Variants in LTK observed in about 807,000 individuals in gnomAD.
LTK encodes the protein leukocyte receptor tyrosine kinase, also known as leukocyte tyrosine kinase receptor.
A neutral mutation model predicts 101.5 loss-of-function variants in LTK; 117 were observed. The ratio of observed to expected loss-of-function variants is 1.15; its 90% CI spans 0.99 to 1.34. The LOEUF is 1.34. LTK is among the 40% of genes most tolerant of loss of function. LTK has a pLI of 0.00. For missense variants in LTK, 1,252 were observed against 1,164.7 expected (o/e 1.07, Z -1.09); for synonymous variants, 563 against 494.2 (o/e 1.14, Z -1.85).
chr15:41,508,301 G>A (rs574638933), intron 8 of LTK, 80 bp from the exon 9 acceptor site: 4 of 1,258,154 alleles, frequency 3.2e-6, no homozygotes, highest in Non-Finnish European at 4.4e-6. Flanking sequence ...GGGTACAGTG[G>A]CACACGCCTA....
In LTK at chr15:41,511,675, C is replaced by G; in HGVS notation, c.658-97G>C. ...CCCGCCCAGGGGGCCTGGATAAGGGCAGGGGCCCCCAGCCCAGCCCAGGCC... is the reference window on the plus strand; with the variant it reads ...CCCGCCCAGGGGGCCTGGATAAGGGGAGGGGCCCCCAGCCCAGCCCAGGCC... On this transcript the variant is annotated intron_variant, in intron 5 of 19. Coordinates refer to ENST00000263800, the MANE Select transcript of LTK (RefSeq NM_002344.6). The surrounding 1 kb of genome is among the most constrained non-coding windows in gnomAD (Gnocchi z 5.9). 1 of 1,406,450 alleles carries G rather than the reference C, an allele frequency of 7.1e-7. No homozygotes were observed. The highest frequency in any genetic ancestry group is 3.7e-5 in the Admixed American group (1 of 27,172). 87.1% of individuals were successfully genotyped at this position (1,406,450 alleles called of 1,614,324 possible).
At position 41,511,717 on chromosome 15, in the gene LTK, G is replaced by A; in HGVS notation, c.657+100C>T. On this transcript the variant is annotated intron_variant, in intron 5 of 19. Transcript: ENST00000263800. This position sits in a 1 kb window ranked among gnomAD's most constrained non-coding sequence, Gnocchi z 5.9. Reference sequence around the variant, plus strand: ...GCCCAGGCCAGCCCAGCCCAGCGCAGGGATAGGGGGACCCCAAGGGACGGA... The same window carrying A: ...GCCCAGGCCAGCCCAGCCCAGCGCAAGGATAGGGGGACCCCAAGGGACGGA... The A allele has an allele frequency of 7.0e-7, 1 of 1,432,666 alleles. No homozygotes were observed. The highest frequency in any genetic ancestry group is 9.1e-7 in the Non-Finnish European group (1 of 1,102,324). 88.7% of individuals were successfully genotyped at this position (1,432,666 alleles called of 1,614,324 possible). A position where few individuals can be genotyped will look rare whatever the true frequency, so the allele number is the denominator to read the frequency against.
At chr15:41,508,816 C>CT (rs1168868850) in intron 8 of LTK, among the ~76,000 whole-genome samples, 3 of 151,946 alleles carry the variant, frequency 2.0e-5, no homozygotes, top group Non-Finnish European at 4.4e-5. Context: ...GCCCACTTTC[C>CT]TTTTTTTTAA....
chr15:41,513,811 A>G lies in LTK; in HGVS notation c.-102T>C. On this transcript the variant is annotated 5_prime_UTR_variant, in exon 1 of 20. Transcript: ENST00000263800. ...TTTTGCCACGGCAGCCCTGGCCACC[A>G]CTTACAGGGGTGTGCTGCCGCTGGC... 2 of 1,041,614 alleles carry G rather than the reference A, an allele frequency of 1.9e-6. No homozygotes were observed. The highest frequency in any genetic ancestry group is 2.5e-5 in the East Asian group (1 of 40,718). The allele number at this position is 1,041,614 out of a possible 1,614,324, so 64.5% of individuals were successfully genotyped here. A position where few individuals can be genotyped will look rare whatever the true frequency, so the allele number is the denominator to read the frequency against.
chr15:41,506,524 C>T (rs367938171), intron 11 of LTK, among the ~76,000 whole-genome samples: 1 of 151,916 alleles, frequency 6.6e-6, no homozygotes, highest in Non-Finnish European at 1.5e-5. Context: ...AGGCTGGTCT[C>T]GAACCCCTGA....
chr15:41,510,029 C>A (rs971292525), intron 7 of LTK, among the ~76,000 whole-genome samples: 7 of 151,550 alleles, frequency 4.6e-5, no homozygotes, highest in Non-Finnish European at 7.4e-5. Flanking sequence ...TTTTTTGAGA[C>A]AGAGTCTTGC....
chr15:41,507,798 C>T, intron 9 of LTK, 141 bp from the exon 10 acceptor site: 1 of 924,824 alleles, frequency 1.1e-6, no homozygotes, highest in African/African-American at 1.7e-5. Context: ...AAAGCAACCT[C>T]TCCCTCTTGA....
Position 41,513,750 on chromosome 15 carries a change from C to A in LTK, c.-41G>T. 1 of 1,574,222 alleles carries A rather than the reference C, an allele frequency of 6.4e-7. No homozygotes were observed. Among genetic ancestry groups the A allele is most frequent in the Non-Finnish European group, 8.7e-7 (1 of 1,144,234 alleles). The stretch of plus-strand genomic sequence containing the variant: ...CCGGCAACAAAAGCCCTTGCGGTCG[C>A]GGCCACACCCCTGTCAACCTAAAGT... On this transcript the variant is annotated 5_prime_UTR_variant, in exon 1 of 20. Coordinates refer to ENST00000263800, the MANE Select transcript of LTK (RefSeq NM_002344.6).
In LTK at chr15:41,505,223, T is replaced by A. The variant is rs1400421305; in HGVS notation, c.1910A>T (p.Asn637Ile). 6.2e-7 allele frequency: 1 copy of A among 1,613,948 alleles called. No homozygotes were observed. Residue 637 changes from asparagine (N) to isoleucine (I), a missense_variant, in exon 15 of 20, where the codon AAT becomes ATT. Asn to Ile is a moderately radical substitution (Grantham distance 149). Coordinates refer to ENST00000263800, the MANE Select transcript of LTK (RefSeq NM_002344.6). The part of the protein sequence containing the change: ...IAQGCHYLEE[N>I]HFIHRDIAAR... Reference sequence around the variant, plus strand: ...TGCTCCTAACCTGTGGATGAAGTGATTTTCCTCCAGGTAGTGGCAGCCCTG... The same window carrying A: ...TGCTCCTAACCTGTGGATGAAGTGAATTTCCTCCAGGTAGTGGCAGCCCTG...
Position 41,508,126 on chromosome 15 carries a change from C to G in LTK, c.1192G>C (p.Ala398Pro), listed in dbSNP as rs763233087. Residue 398 changes from alanine to proline, a missense_variant, in exon 9 of 20, where the codon GCT becomes CCT. Physicochemically the swap from Ala to Pro is conservative, Grantham distance 27. Coordinates refer to ENST00000263800, the MANE Select transcript of LTK (RefSeq NM_002344.6). ...ATGCCTTCTGGGCACAGGCATTCAG[C>G]CAGCTGGAGCTCTGCCTGCCATTGG... ...DCQWQAELQL[A>P]ECLCPEGMEL... is the part of the protein sequence containing the mutation. The G allele has an allele frequency of 6.2e-7, 1 of 1,613,486 alleles. No individual in the cohort carries two copies. The highest frequency in any genetic ancestry group is 1.7e-5 in the Admixed American group (1 of 59,968).
intron 7 of LTK, among the ~76,000 whole-genome samples, chr15:41,510,104 T>A (rs2140722976): frequency 6.6e-6 from 1 of 151,140 alleles, no homozygotes; most frequent in Non-Finnish European, 1.5e-5. Context: ...CCTCCCGGGT[T>A]CAAGCGATTT....
rs771133749 is a variant in LTK, at chr15:41,509,018, T to G, written c.1096+13A>C. On this transcript the variant is annotated intron_variant, in intron 8 of 19. Coordinates refer to ENST00000263800, the MANE Select transcript of LTK (RefSeq NM_002344.6). ...GTCCAGGCCAGGCTCAGAGGTGGGGTTGGGGCCAATACCTGCCAGAGGCTG... is the reference window on the plus strand; with the variant it reads ...GTCCAGGCCAGGCTCAGAGGTGGGGGTGGGGCCAATACCTGCCAGAGGCTG... The G allele has an allele frequency of 1.3e-6, 2 of 1,585,406 alleles. No individual in the cohort carries two copies.
chr15:41,505,213 G>A lies in LTK; in HGVS notation c.1920C>T (p.Ile640=), dbSNP rs1247869863. ...GCHYLEENHF[I]HRDIAARNCL... ...GAGCCAGGACTGCTCCTAACCTGTG[G>A]ATGAAGTGATTTTCCTCCAGGTAGT... Residue 640 remains isoleucine (I), a synonymous_variant, in exon 15 of 20, where the codon ATC becomes ATT. Transcript: ENST00000263800. 2 of 1,613,918 alleles carry A rather than the reference G, an allele frequency of 1.2e-6. No individual in the cohort carries two copies. Among genetic ancestry groups the A allele is most frequent in the Non-Finnish European group, 1.7e-6 (2 of 1,179,976 alleles).
chr15:41,513,225 C>T, intron 1 of LTK, 105 bp from the exon 2 acceptor site: 1 of 1,372,214 alleles, frequency 7.3e-7, no homozygotes, highest in Non-Finnish European at 9.8e-7. Flanking sequence ...GCGGCCACAC[C>T]CGTCACCCGG....
chr15:41,504,673 C>T (rs372268726), intron 17 of LTK, 33 bp from the exon 18 acceptor site: 279 of 1,608,904 alleles, frequency 1.7e-4, no homozygotes, highest in Admixed American at 2.3e-4. Context: ...AAGTGAGGCC[C>T]GTCAGGTGTA....
chr15:41,504,157 A>G lies in LTK; in HGVS notation c.2434T>C (p.Leu812=). 5 of 1,613,952 alleles carry G rather than the reference A, an allele frequency of 3.1e-6. No individual in the cohort carries two copies. Among genetic ancestry groups the G allele is most frequent in the African/African-American group, 1.3e-5 (1 of 75,050 alleles). Residue 812 remains leucine, a synonymous_variant, in exon 20 of 20, where the codon TTG becomes CTG. Transcript: ENST00000263800. The part of the protein sequence containing the change: ...EGTSGLGNRS[L]ECLRPPQPQE... ...GGCTGTGGGGGTCTTAGGCACTCCA[A>G]AGATCTGTTCCCCAGCCCAGAAGTC...
Position 41,513,120 on chromosome 15 carries a change from C to G in LTK, c.44G>C (p.Gly15Ala). 6.3e-7 allele frequency: 1 copy of G among 1,597,218 alleles called. No homozygotes were observed. Among genetic ancestry groups the G allele is most frequent in the South Asian group, 1.1e-5 (1 of 89,448 alleles). The part of the protein sequence containing the change: ...GQLLVWFGAA[G>A]AILCSSPGSQ... ...CCCCGGGCTAGAGCAGAGAATGGCGCCTGAAAGGTGTTGGGAGAAGGCGCA... is the reference window on the plus strand; with the variant it reads ...CCCCGGGCTAGAGCAGAGAATGGCGGCTGAAAGGTGTTGGGAGAAGGCGCA... The change falls in exon 2 of 20, where the codon GGC becomes GCC. Residue 15 changes from glycine (G) to alanine (A), a missense_variant and splice_region_variant. Coordinates refer to ENST00000263800, the MANE Select transcript of LTK (RefSeq NM_002344.6).
At chr15:41,507,350 C>G in intron 10 of LTK, 60 bp from the exon 11 acceptor site, 1 of 1,504,034 alleles carries the variant, frequency 6.6e-7, no homozygotes. Context: ...CCCTCCCCCA[C>G]CTGCCCAGGA....
chr15:41,511,840 C>G lies in LTK; in HGVS notation c.634G>C (p.Gly212Arg). The change falls in exon 5 of 20, where the codon GGG becomes CGG. Residue 212 changes from glycine to arginine, a missense_variant. Physicochemically the swap from Gly to Arg is moderately radical, Grantham distance 125. Coordinates refer to ENST00000263800, the MANE Select transcript of LTK (RefSeq NM_002344.6). The surrounding 1 kb of genome is among the most constrained non-coding windows in gnomAD (Gnocchi z 5.9). ...RRWAGGGGGG[G>R]GATYVFRVRA... ...ACCCGGAAAACGTAGGTGGCGCCCC[C>G]GCCACCCCCGCCACCTCCCGCCCAG... is the stretch of plus-strand genomic sequence containing the variant. 6.8e-7 allele frequency: 1 copy of G among 1,477,002 alleles called. No individual in the cohort carries two copies. 91.5% of individuals were successfully genotyped at this position (1,477,002 alleles called of 1,614,324 possible).
Sources: gnomAD v4.1 joint callset for allele counts (sites outside exome capture counted in the v4.1 genomes callset) on GRCh38, gnomAD v4.1.1 for gene constraint, Gnocchi (gnomAD v3.1) non-coding constraint, MANE v1.5 for transcripts, NCBI Gene and HGNC (gene_info 2026-07-23, HGNC 2026-07-21) for gene names.